The following ZNF606 variants were observed in gnomAD, a reference collection of about 807,000 sequenced individuals.
ZNF606 encodes the protein zinc finger protein 328.
A neutral mutation model predicts 74.9 loss-of-function variants in ZNF606; 37 were observed. The observed-to-expected ratio is 0.49, with a 90% CI of 0.38 to 0.65. The LOEUF (loss-of-function observed/expected upper bound fraction) is 0.65, where lower values mean the gene tolerates loss of function less well. ZNF606 is among the 30% of genes least tolerant of loss of function. ZNF606 has a pLI of 0.00. For missense variants in ZNF606, 852 were observed against 952.9 expected (o/e 0.89, Z 1.39); for synonymous variants, 328 against 312.4 (o/e 1.05, Z -0.53).
rs891479923 is a variant in ZNF606 at position 57,977,681 on chromosome 19, A to G, written c.*620T>C. 1 of 152,304 alleles carries G rather than the reference A, an allele frequency of 6.6e-6. No individual in the cohort carries two copies. The highest frequency in any genetic ancestry group is 1.5e-5 in the Non-Finnish European group (1 of 68,056). 9.4% of individuals were successfully genotyped at this position (152,304 alleles called of 1,614,324 possible). A position where few individuals can be genotyped will look rare whatever the true frequency, so the allele number is the denominator to read the frequency against. On this transcript the variant is annotated 3_prime_UTR_variant, in exon 7 of 7. Transcript: ENST00000551380. The stretch of plus-strand genomic sequence containing the variant: ...AACATCAGTCTCACACTCCTAGGCA[A>G]TAACTTTTCTACCGTTAGTCATCTC...
Position 58,002,616 on chromosome 19 carries a change from C to CGGAGGCAGGCTGCT in ZNF606, c.-286_-273dup. On this transcript the variant is annotated 5_prime_UTR_variant, in exon 1 of 7. Transcript: ENST00000551380. ...CGAAGAACGCCCGGAGGCGGGAGGC[C>CGGAGGCAGGCTGCT]GGAGGCAGGCTGCTGGCTGGAGAAC... 2.2e-6 allele frequency: 1 copy of CGGAGGCAGGCTGCT among 449,748 alleles called. No individual in the cohort carries two copies. The highest frequency in any genetic ancestry group is 1.6e-5 in the South Asian group (1 of 64,070). 27.9% of individuals were successfully genotyped at this position (449,748 alleles called of 1,614,324 possible).
chr19:57,982,291 TTC>T (rs2073096221), intron 6 of ZNF606, among the ~76,000 whole-genome samples: 1 of 152,148 alleles, frequency 6.6e-6, no homozygotes, highest in Non-Finnish European at 1.5e-5. Context: ...CAACCTCTGC[TTC>T]TGTCATCACA....
intron 6 of ZNF606, among the ~76,000 whole-genome samples, chr19:57,986,012 G>T (rs2073158828): frequency 6.6e-6 from 1 of 151,996 alleles, no homozygotes; most frequent in African/African-American, 2.4e-5. Context: ...TCACGTACAA[G>T]GGATCTTCAA....
intron 4 of ZNF606, among the ~76,000 whole-genome samples, chr19:57,995,387 C>T (rs906715129): frequency 6.6e-6 from 1 of 152,068 alleles, no homozygotes; most frequent in Non-Finnish European, 1.5e-5. Flanking sequence ...ACTATGAACA[C>T]AGAGGTGCAC....
At chr19:57,985,667 G>A (rs897364604) in intron 6 of ZNF606, among the ~76,000 whole-genome samples, 4 of 151,960 alleles carry the variant, frequency 2.6e-5, no homozygotes, top group Non-Finnish European at 5.9e-5. Context: ...GGTGGCTCAC[G>A]CCTGTAATCC....
intron 4 of ZNF606, chr19:57,998,722 C>T (rs1277902766): frequency 6.6e-6 from 1 of 152,182 alleles, no homozygotes. Flanking sequence ...TCAGTACCAT[C>T]TCAATAAAGC....
chr19:57,982,735 G>C (rs951003551), intron 6 of ZNF606, among the ~76,000 whole-genome samples: 4 of 152,050 alleles, frequency 2.6e-5, no homozygotes, highest in Non-Finnish European at 4.4e-5. Flanking sequence ...CTGGGCTCAG[G>C]CAATCCTCCC....
chr19:57,999,951 T>C, intron 3 of ZNF606, 55 bp from the exon 4 acceptor site: 1 of 1,559,008 alleles, frequency 6.4e-7, no homozygotes, highest in South Asian at 1.1e-5. Context: ...GAGCTCACCT[T>C]TTCTTCTGGG....
chr19:57,982,730 C>T (rs1203781118), intron 6 of ZNF606, among the ~76,000 whole-genome samples: 1 of 152,088 alleles, frequency 6.6e-6, no homozygotes, highest in Non-Finnish European at 1.5e-5. Flanking sequence ...AATTACTGGG[C>T]TCAGGCAATC....
intron 4 of ZNF606, among the ~76,000 whole-genome samples, chr19:57,996,175 CTG>C (rs1420972631): frequency 3.9e-5 from 6 of 152,194 alleles, no homozygotes; most frequent in Non-Finnish European, 8.8e-5. Flanking sequence ...GTAACCATGT[CTG>C]GGCCCACAAA....
intron 4 of ZNF606, among the ~76,000 whole-genome samples, chr19:57,992,687 T>C (rs956169333): frequency 2.6e-5 from 4 of 152,266 alleles, no homozygotes; most frequent in African/African-American, 9.6e-5. Context: ...TATTGTGGTT[T>C]CTTCCTTAAG....
At chr19:58,000,909 G>A (rs1211670411) in intron 2 of ZNF606, among the ~76,000 whole-genome samples, 170 bp from the exon 3 acceptor site, 3 of 152,170 alleles carry the variant, frequency 2.0e-5, no homozygotes, top group Non-Finnish European at 1.5e-5. Context: ...CAATGCACAG[G>A]TGAGTCACTA....
At chr19:57,995,595 A>C (rs2073327023) in intron 4 of ZNF606, among the ~76,000 whole-genome samples, 1 of 152,006 alleles carries the variant, frequency 6.6e-6, no homozygotes, top group Admixed American at 6.5e-5. Context: ...TGAGGCAGGC[A>C]GATCACTGAG....
At chr19:58,000,142 C>G (rs1375193617) in intron 3 of ZNF606, 2 of 529,394 alleles carry the variant, frequency 3.8e-6, no homozygotes, top group East Asian at 3.0e-5. Context: ...CTGGTCACAA[C>G]CTTCCTGGGC....
intron 6 of ZNF606, among the ~76,000 whole-genome samples, chr19:57,984,363 T>C (rs1318438103): frequency 6.6e-6 from 1 of 152,120 alleles, no homozygotes; most frequent in East Asian, 1.9e-4. Context: ...GGATGGTAAC[T>C]AAGAATGGGC....
chr19:57,978,137 A>C lies in ZNF606; in HGVS notation c.*164T>G. On this transcript the variant is annotated 3_prime_UTR_variant, in exon 7 of 7. Transcript: ENST00000551380. The surrounding 1 kb of genome is among the most constrained non-coding windows in gnomAD (Gnocchi z 4.4). ...AAATAACTGCTGAAAGCTTTTCCCT[A>C]TTCTTTTCCTTCATGGGGTTTCTTC... 33 of 636,468 alleles carry C rather than the reference A, an allele frequency of 5.2e-5. No individual in the cohort carries two copies. The highest frequency in any genetic ancestry group is 7.1e-5 in the Non-Finnish European group (29 of 407,396). The allele number at this position is 636,468 out of a possible 1,614,324, so 39.4% of individuals were successfully genotyped here. A position where few individuals can be genotyped will look rare whatever the true frequency, so the allele number is the denominator to read the frequency against.
At chr19:57,990,866 T>C (rs2073247899) in intron 4 of ZNF606, among the ~76,000 whole-genome samples, 1 of 151,808 alleles carries the variant, frequency 6.6e-6, no homozygotes, top group Admixed American at 6.6e-5. Flanking sequence ...TACCATACCC[T>C]GAAAAGTCAA....
intron 6 of ZNF606, among the ~76,000 whole-genome samples, chr19:57,983,902 GT>G (rs1320194216): frequency 2.0e-5 from 3 of 152,194 alleles, no homozygotes; most frequent in Non-Finnish European, 4.4e-5. Flanking sequence ...AAATCCAGTT[GT>G]TTTGTTACAA....
intron 2 of ZNF606, 150 bp downstream of exon 2, chr19:58,001,139 C>T (rs930719615): frequency 1.2e-6 from 1 of 856,912 alleles, no homozygotes; most frequent in East Asian, 2.7e-5. Context: ...CAACAATTTT[C>T]CTCCTTTACC....
Sources: gnomAD v4.1 joint callset for allele counts (sites outside exome capture counted in the v4.1 genomes callset) on GRCh38, gnomAD v4.1.1 for gene constraint, Gnocchi (gnomAD v3.1) non-coding constraint, MANE v1.5 for transcripts, NCBI Gene and HGNC (gene_info 2026-07-23, HGNC 2026-07-21) for gene names.